The following CHM variants were observed in gnomAD, a reference collection of about 807,000 sequenced individuals.
CHM encodes the protein CHM Rab escort protein, also known as rab proteins geranylgeranyltransferase component A 1.
A neutral mutation model predicts 49.0 loss-of-function variants in CHM; 10 were observed. The ratio of observed to expected loss-of-function variants is 0.20; its 90% CI spans 0.13 to 0.35. The LOEUF is 0.35. CHM is among the 10% of genes least tolerant of loss of function. The probability of loss-of-function intolerance (pLI) is 1.00; values close to 1 mark genes in which losing one functional copy is unlikely to be tolerated. For missense variants in CHM, 455 were observed against 478.4 expected, an observed-to-expected ratio of 0.95 and a Z score of 0.46; for synonymous variants, 184 against 167.5, an observed-to-expected ratio of 1.10 and a Z score of -0.76.
At chrX:85,932,674 T>C (rs906894169) in intron 8 of CHM, among the ~76,000 whole-genome samples, 4 of 112,159 alleles carry the variant, frequency 3.6e-5, no homozygotes, top group African/African-American at 1.3e-4. Flanking sequence ...CATGTCCTAA[T>C]TGGACATTAA....
intron 2 of CHM, among the ~76,000 whole-genome samples, chrX:86,023,391 T>G (rs779800354): frequency 9.0e-6 from 1 of 110,938 alleles, no homozygotes; most frequent in East Asian, 2.9e-4. Flanking sequence ...TCCAAAATGT[T>G]ACTCCCAGCT....
intron 8 of CHM, among the ~76,000 whole-genome samples, chrX:85,935,391 G>A (rs1928723250): frequency 9.0e-6 from 1 of 111,610 alleles, no homozygotes; most frequent in Non-Finnish European, 1.9e-5. Flanking sequence ...TCTAAACCAT[G>A]TCAACAGCCA....
At chrX:85,915,172 A>T (rs997106728) in intron 8 of CHM, among the ~76,000 whole-genome samples, 1 of 112,187 alleles carries the variant, frequency 8.9e-6, no homozygotes. Context: ...TGGCAGAGAT[A>T]TAACAGAAGA....
chrX:85,954,412 T>C (rs1006825937), intron 8 of CHM, among the ~76,000 whole-genome samples: 1 of 111,437 alleles, frequency 9.0e-6, no homozygotes, highest in African/African-American at 3.3e-5. Flanking sequence ...GATCTAGCAA[T>C]CCCACTGCTA....
chrX:86,042,981 G>A (rs2147813297), intron 1 of CHM, among the ~76,000 whole-genome samples: 1 of 111,614 alleles, frequency 9.0e-6, no homozygotes, highest in South Asian at 3.8e-4. Context: ...TGAGATTTGG[G>A]CAGGACAAAT....
At chrX:86,036,788 C>T (rs2898698) in intron 1 of CHM, among the ~76,000 whole-genome samples, 6,659 of 111,407 alleles carry the variant, frequency 0.06, 292 homozygotes, top group African/African-American at 0.15. Flanking sequence ...TAGGGCATGA[C>T]TCCCTAGACC....
Position 86,006,276 on chromosome X carries a change from G to C in CHM, c.116+21215C>G, listed in dbSNP as rs143608536. On this transcript the variant is annotated intron_variant, in intron 2 of 14. Transcript: ENST00000357749. The stretch of plus-strand genomic sequence containing the variant: ...ATGGAACGATCTCAAAATAATAAGA[G>C]CTATTTATGACAAACCCACAGCCAG... Among the ~76,000 whole-genome samples the C allele has an allele frequency of 7.1e-3, 796 of 111,374 alleles. 9 individuals carry two copies. Among genetic ancestry groups the C allele is most frequent in the Non-Finnish European group, 0.011 (591 of 53,089 alleles).
intron 8 of CHM, among the ~76,000 whole-genome samples, chrX:85,937,892 TTAA>T (rs1445209429): frequency 9.1e-6 from 1 of 109,830 alleles, no homozygotes; most frequent in African/African-American, 3.3e-5. Flanking sequence ...TAGGAAAGGT[TTAA>T]AAAAGAAGGA....
chrX:85,983,497 C>T (rs193239660), intron 2 of CHM, among the ~76,000 whole-genome samples: 11 of 111,274 alleles, frequency 9.9e-5, no homozygotes, highest in Admixed American at 8.6e-4. Flanking sequence ...GAGAAGAATA[C>T]AATTCTGCTA....
chrX:85,899,915 T>G (rs774796241), intron 11 of CHM, among the ~76,000 whole-genome samples: 100 of 110,578 alleles, frequency 9.0e-4, no homozygotes, highest in African/African-American at 2.9e-3. Context: ...ACATAACAAG[T>G]GTTGATGAGG....
chrX:85,960,334 G>A (rs1930229054), intron 5 of CHM, among the ~76,000 whole-genome samples: 2 of 110,776 alleles, frequency 1.8e-5, no homozygotes, highest in African/African-American at 6.6e-5. Context: ...GATATCACAA[G>A]AACAAAAACA....
chrX:85,878,516 C>T (rs1924556575), intron 13 of CHM, among the ~76,000 whole-genome samples: 2 of 110,228 alleles, frequency 1.8e-5, no homozygotes, highest in Non-Finnish European at 1.9e-5. Flanking sequence ...GAAAGGATTT[C>T]TACATCTGCC....
intron 1 of CHM, among the ~76,000 whole-genome samples, chrX:86,027,971 C>A (rs1439749336): frequency 9.8e-5 from 11 of 111,744 alleles, no homozygotes. Flanking sequence ...CCATGTTGGC[C>A]AGGATGGTCT....
chrX:85,964,166 T>C, intron 4 of CHM, 114 bp from the exon 5 acceptor site: 2 of 615,053 alleles, frequency 3.3e-6, no homozygotes, highest in South Asian at 3.3e-5. Context: ...CATTCATCTG[T>C]TAATGTTTCA....
chrX:85,893,637 G>A (rs965460703), intron 12 of CHM, among the ~76,000 whole-genome samples: 4 of 110,902 alleles, frequency 3.6e-5, no homozygotes, highest in African/African-American at 1.3e-4. Flanking sequence ...AATGGGATTA[G>A]TGCTCTTAAA....
At chrX:85,874,672 A>G (rs921262053) in intron 13 of CHM, among the ~76,000 whole-genome samples, 1 of 111,844 alleles carries the variant, frequency 8.9e-6, no homozygotes, top group Non-Finnish European at 1.9e-5. Flanking sequence ...GAGTGGAAGA[A>G]GTGATCTCCT....
intron 2 of CHM, among the ~76,000 whole-genome samples, chrX:86,009,759 T>C (rs1435650886): frequency 5.4e-5 from 6 of 111,220 alleles, no homozygotes; most frequent in Non-Finnish European, 1.1e-4. Context: ...ACCTCTTTCA[T>C]AGAGGTAAGT....
intron 8 of CHM, among the ~76,000 whole-genome samples, chrX:85,936,011 A>G (rs1317596069): frequency 1.8e-5 from 2 of 112,063 alleles, no homozygotes; most frequent in Non-Finnish European, 3.8e-5. Flanking sequence ...TTTACTAAGC[A>G]CCTACTATGT....
At chrX:86,046,080 AAGACCATCT>A (rs1227626025) in intron 1 of CHM, among the ~76,000 whole-genome samples, 1 of 112,403 alleles carries the variant, frequency 8.9e-6, no homozygotes, top group African/African-American at 3.2e-5. Context: ...AGACAACATA[AAGACCATCT>A]ATTTTACCTT....
Sources: allele counts gnomAD v4.1 joint callset (sites outside exome capture counted in the v4.1 genomes callset), GRCh38; gene constraint gnomAD v4.1.1; transcripts MANE v1.5; gene names NCBI Gene and HGNC (gene_info 2026-07-23, HGNC 2026-07-21).